GRIN2A: variants seen among roughly 807,000 people sequenced by gnomAD.
GRIN2A encodes glutamate receptor ionotropic, NMDA 2A.
GRIN2A carries 22 observed loss-of-function variants against 113.4 expected under a neutral mutation model. That is an observed-to-expected ratio of 0.19 (90% CI 0.14 to 0.28). The LOEUF (loss-of-function observed/expected upper bound fraction) is 0.28. GRIN2A is among the 10% of genes least tolerant of loss of function. The pLI is 1.00. For missense variants in GRIN2A, 1,502 were observed against 1,887.0 expected (o/e 0.80, Z 3.78); for synonymous variants, 827 against 738.4 (o/e 1.12, Z -1.94).
At chr16:10,003,145 A>C (rs1330373843) in intron 2 of GRIN2A, among the ~76,000 whole-genome samples, 1 of 152,218 alleles carries the variant, frequency 6.6e-6, no homozygotes, top group African/African-American at 2.4e-5. Flanking sequence ...AGAGGCCTCC[A>C]TCTGTCTTCC....
chr16:10,026,650 C>T (rs564684006), intron 2 of GRIN2A, among the ~76,000 whole-genome samples: 12 of 149,936 alleles, frequency 8.0e-5, no homozygotes, highest in African/African-American at 2.5e-4. Flanking sequence ...GGGGGCACTG[C>T]AGAGAACAAG....
At chr16:10,058,450 C>A (rs1013366648) in intron 2 of GRIN2A, among the ~76,000 whole-genome samples, 1 of 152,148 alleles carries the variant, frequency 6.6e-6, no homozygotes, top group African/African-American at 2.4e-5. Flanking sequence ...TGTCTACTAA[C>A]TACAATGATT....
chr16:10,059,430 C>T (rs760510946), intron 2 of GRIN2A, among the ~76,000 whole-genome samples: 6 of 151,974 alleles, frequency 3.9e-5, no homozygotes, highest in East Asian at 1.9e-4. Flanking sequence ...GAGGCATCTA[C>T]GGGTACAGAA....
chr16:10,114,538 GTC>G (rs2048691172), intron 2 of GRIN2A, among the ~76,000 whole-genome samples: 1 of 152,202 alleles, frequency 6.6e-6, no homozygotes, highest in South Asian at 2.1e-4. Context: ...TATCTTCTGT[GTC>G]CCCAGAAACC....
In GRIN2A at chr16:9,754,507, C is replaced by G. The variant is rs1465625240; in HGVS notation, c.*8642G>C. ...AGTTCCACTTTCATCTTTTCAAATT[C>G]ATCAAAAATTTCAAACAAGATCACC... On this transcript the variant is annotated 3_prime_UTR_variant, in exon 13 of 13. Coordinates refer to ENST00000330684, the MANE Select transcript of GRIN2A (RefSeq NM_001134407.3). 5 of 211,986 alleles carry G rather than the reference C, an allele frequency of 2.4e-5. No homozygotes were observed. Among genetic ancestry groups the G allele is most frequent in the Admixed American group, 5.9e-5 (1 of 17,000 alleles). 13.1% of individuals were successfully genotyped at this position (211,986 alleles called of 1,614,324 possible). A position where few individuals can be genotyped will look rare whatever the true frequency, so the allele number is the denominator to read the frequency against.
chr16:10,103,895 C>T (rs1458596193), intron 2 of GRIN2A, among the ~76,000 whole-genome samples: 1 of 152,224 alleles, frequency 6.6e-6, no homozygotes, highest in East Asian at 1.9e-4. Context: ...ACCCCTCTCA[C>T]TTCCTCATTT....
At chr16:9,843,237 T>C (rs1282962600) in intron 5 of GRIN2A, among the ~76,000 whole-genome samples, 1 of 152,180 alleles carries the variant, frequency 6.6e-6, no homozygotes, top group Admixed American at 6.5e-5. Flanking sequence ...ATACTACTTA[T>C]GTAATTGGCA....
chr16:9,936,870 T>G (rs369679465), intron 3 of GRIN2A, among the ~76,000 whole-genome samples: 41 of 152,178 alleles, frequency 2.7e-4, no homozygotes, highest in African/African-American at 9.7e-4. Context: ...GGAAACTGGG[T>G]AGTTTCACAA....
intron 2 of GRIN2A, among the ~76,000 whole-genome samples, chr16:10,169,496 G>A (rs909486571): frequency 6.6e-6 from 1 of 152,180 alleles, no homozygotes; most frequent in Non-Finnish European, 1.5e-5. Context: ...TCCAATGAAA[G>A]GATAGAGGCC....
rs543637384 is a variant in GRIN2A, at chr16:10,001,006, G to A, written c.415-62455C>T. On this transcript the variant is annotated intron_variant, in intron 2 of 12. Coordinates refer to ENST00000330684, the MANE Select transcript of GRIN2A (RefSeq NM_001134407.3). ...CCCTGAGACCCATTAATTTAACTAG[G>A]ATGATAAACAGAAAAATAAATAAAG... Among the ~76,000 whole-genome samples the A allele has an allele frequency of 4.3e-4, 65 of 152,192 alleles. No homozygotes were observed. The South Asian group carries it at 0.01, about 24-fold the overall frequency.
At chr16:9,918,857 C>A (rs1012446172) in intron 3 of GRIN2A, among the ~76,000 whole-genome samples, 1 of 151,420 alleles carries the variant, frequency 6.6e-6, no homozygotes, top group Non-Finnish European at 1.5e-5. Flanking sequence ...AAAATTAAAC[C>A]ACTACGGGCG....
chr16:10,015,379 T>C (rs1047530125), intron 2 of GRIN2A, among the ~76,000 whole-genome samples: 3 of 150,358 alleles, frequency 2.0e-5, no homozygotes, highest in Non-Finnish European at 4.4e-5. Flanking sequence ...ACTTGAAAGA[T>C]CCACAATGTC....
chr16:10,174,487 G>C (rs763563154), intron 2 of GRIN2A, among the ~76,000 whole-genome samples: 1 of 152,156 alleles, frequency 6.6e-6, no homozygotes, highest in Non-Finnish European at 1.5e-5. Flanking sequence ...ACAAATGAAG[G>C]ACTTCACAAC....
At chr16:9,781,503 G>C (rs1241416906) in intron 11 of GRIN2A, among the ~76,000 whole-genome samples, 1 of 152,132 alleles carries the variant, frequency 6.6e-6, no homozygotes, top group Non-Finnish European at 1.5e-5. Flanking sequence ...TAGGACCACA[G>C]GTGCATGCCA....
chr16:10,014,522 A>G (rs2046566818), intron 2 of GRIN2A, among the ~76,000 whole-genome samples: 1 of 152,218 alleles, frequency 6.6e-6, no homozygotes, highest in African/African-American at 2.4e-5. Context: ...AAATAGGTAA[A>G]CAAAGCATGA....
At chr16:9,942,823 A>G (rs532481585) in intron 2 of GRIN2A, among the ~76,000 whole-genome samples, 2 of 152,294 alleles carry the variant, frequency 1.3e-5, no homozygotes, top group South Asian at 2.1e-4. Context: ...GTTACCCTGT[A>G]CTACTGTCAT....
intron 2 of GRIN2A, among the ~76,000 whole-genome samples, chr16:10,149,440 T>C (rs1294968451): frequency 6.6e-6 from 1 of 152,248 alleles, no homozygotes; most frequent in East Asian, 1.9e-4. Context: ...GTGAAGCATA[T>C]ACTGAAATTC....
At chr16:10,134,942 A>G (rs553399461) in intron 2 of GRIN2A, among the ~76,000 whole-genome samples, 204 of 152,258 alleles carry the variant, frequency 1.3e-3, no homozygotes, top group African/African-American at 4.3e-3. Flanking sequence ...GAACTAGCAA[A>G]AAAAAACTGT....
At chr16:9,903,645 AAAT>A (rs1361607274) in intron 3 of GRIN2A, among the ~76,000 whole-genome samples, 1 of 152,106 alleles carries the variant, frequency 6.6e-6, no homozygotes, top group African/African-American at 2.4e-5. Flanking sequence ...TGATCATCTC[AAAT>A]AATACCTCTT....
Sources: allele counts gnomAD v4.1 joint callset (sites outside exome capture counted in the v4.1 genomes callset), GRCh38; gene constraint gnomAD v4.1.1; transcripts MANE v1.5; gene names NCBI Gene and HGNC (gene_info 2026-07-23, HGNC 2026-07-21).